SAP130: variants seen among roughly 807,000 people sequenced by gnomAD.
SAP130 encodes Sin3A associated protein 130.
In SAP130, 16 loss-of-function variants were observed where a neutral mutation model predicts 103.2. That is an observed-to-expected ratio of 0.16 (90% CI 0.10 to 0.24). SAP130 has a LOEUF of 0.24. Ranked by LOEUF, SAP130 falls within the 10% of genes least tolerant of loss-of-function variation. SAP130 has a pLI of 1.00. For synonymous variants in SAP130, 477 were observed against 497.0 expected (o/e 0.96, Z 0.53); for missense variants, 990 against 1,359.7 (o/e 0.73, Z 4.28).
At chr2:128,021,461 A>C (rs906320825) in intron 2 of SAP130, among the ~76,000 whole-genome samples, 5 of 151,732 alleles carry the variant, frequency 3.3e-5, no homozygotes, top group South Asian at 2.1e-4. Context: ...AAAAAAAAAA[A>C]CAAAAAAACA....
At chr2:127,948,622 G>GT (rs1679290840) in intron 18 of SAP130, among the ~76,000 whole-genome samples, 6 of 151,990 alleles carry the variant, frequency 3.9e-5, no homozygotes, top group Admixed American at 3.9e-4. Context: ...GATTACAGGC[G>GT]TGAATCACCG....
intron 5 of SAP130, among the ~76,000 whole-genome samples, chr2:128,014,296 C>T (rs575588198): frequency 4.6e-5 from 7 of 152,158 alleles, no homozygotes; most frequent in Admixed American, 2.0e-4. Context: ...GCAATCTCAA[C>T]TCATTTCAAC....
intron 2 of SAP130, among the ~76,000 whole-genome samples, chr2:128,024,642 C>G (rs977485441): frequency 1.3e-5 from 2 of 150,928 alleles, no homozygotes; most frequent in African/African-American, 2.4e-5. Flanking sequence ...GGGTGGATCA[C>G]TTGAAGTCTG....
chr2:128,011,890 G>A (rs549852640), intron 6 of SAP130, among the ~76,000 whole-genome samples: 40 of 152,262 alleles, frequency 2.6e-4, no homozygotes, highest in Non-Finnish European at 5.0e-4. Context: ...TTGGCTCACT[G>A]CAACCTCTGC....
At position 127,964,506 on chromosome 2, in the gene SAP130, A is replaced by G. The variant is rs866204977; in HGVS notation, c.2064-9162T>C. Among the ~76,000 whole-genome samples the G allele has an allele frequency of 1.8e-3, 267 of 150,858 alleles. 1 individual carries two copies. Among genetic ancestry groups the G allele is most frequent in the African/African-American group, 6.1e-3 (250 of 41,298 alleles). On this transcript the variant is annotated intron_variant, in intron 15 of 20. Transcript: ENST00000643581. ...CGAAACTCCATCTCAAAAAAAAAAA[A>G]AAAAAAAAAAAAGTAAATTAAAAAA...
At chr2:127,981,223 A>G (rs919101765) in intron 14 of SAP130, among the ~76,000 whole-genome samples, 5 of 151,686 alleles carry the variant, frequency 3.3e-5, no homozygotes, top group South Asian at 2.1e-4. Flanking sequence ...TTCACCTCGC[A>G]CAACAAAGCT....
chr2:128,017,901 C>G lies in SAP130; in HGVS notation c.127G>C (p.Gly43Arg). 6.2e-7 allele frequency: 1 copy of G among 1,613,892 alleles called. No individual in the cohort carries two copies. The highest frequency in any genetic ancestry group is 8.5e-7 in the Non-Finnish European group (1 of 1,179,810). Residue 43 changes from glycine (G) to arginine (R), a missense_variant, in exon 3 of 21, where the codon GGT becomes CGT. This residue lies in a region of SAP130 where 167 missense variants were observed against 187.4 expected (regional missense o/e 0.89). Coordinates refer to ENST00000643581, the MANE Select transcript of SAP130 (RefSeq NM_001330301.2). ...NPAATVNDESGRDSEVSAREH... is the reference protein window; with the variant it reads ...NPAATVNDESRRDSEVSAREH... The stretch of plus-strand genomic sequence containing the variant: ...CTGGCACTGACTTCAGAATCTCGAC[C>G]AGATTCATCATTGACTAGTAAAGAC...
chr2:128,016,052 G>A (rs1407061993), intron 4 of SAP130, among the ~76,000 whole-genome samples: 2 of 151,688 alleles, frequency 1.3e-5, no homozygotes, highest in South Asian at 2.1e-4. Context: ...GCCTACCCCC[G>A]GAAGGCAGTT....
chr2:128,021,904 A>G (rs1685187903), intron 2 of SAP130, among the ~76,000 whole-genome samples: 1 of 152,214 alleles, frequency 6.6e-6, no homozygotes, highest in Non-Finnish European at 1.5e-5. Context: ...CCATTCATAT[A>G]TATCTTCTTT....
chr2:128,017,751 C>T lies in SAP130; in HGVS notation c.277G>A (p.Val93Ile), dbSNP rs775095825. 3 of 1,614,222 alleles carry T rather than the reference C, an allele frequency of 1.9e-6. No homozygotes were observed. Among genetic ancestry groups the T allele is most frequent in the East Asian group, 4.5e-5 (2 of 44,888 alleles). ...TGTGCTGGCGGGGCTGTCACTGCAA[C>T]AGGTGTGGCTGATGCGACAGCATGG... ...THHAVASATP[V>I]AVTAPPAHLT... Residue 93 changes from valine (V) to isoleucine (I), a missense_variant, in exon 3 of 21, where the codon GTT becomes ATT. By Grantham distance (29) the Val-to-Ile change is conservative (BLOSUM62 3). This residue lies in a region of SAP130 where 167 missense variants were observed against 187.4 expected (regional missense o/e 0.89). Coordinates refer to ENST00000643581, the MANE Select transcript of SAP130 (RefSeq NM_001330301.2).
At chr2:128,022,419 A>G (rs1211193305) in intron 2 of SAP130, among the ~76,000 whole-genome samples, 2 of 152,270 alleles carry the variant, frequency 1.3e-5, no homozygotes, top group Non-Finnish European at 2.9e-5. Flanking sequence ...TTCTACGAAC[A>G]TGTGAATATA....
chr2:127,986,421 T>G lies in SAP130; in HGVS notation c.1958+364A>C, dbSNP rs1482816530. 6.6e-6 allele frequency among the ~76,000 whole-genome samples: 1 copy of G among 152,230 alleles called. No individual in the cohort carries two copies. Among genetic ancestry groups the G allele is most frequent in the African/African-American group, 2.4e-5 (1 of 41,460 alleles). On this transcript the variant is annotated intron_variant, in intron 14 of 20. Coordinates refer to ENST00000643581, the MANE Select transcript of SAP130 (RefSeq NM_001330301.2). The surrounding 1 kb of genome is among the most constrained non-coding windows in gnomAD (Gnocchi z 4.7). ...ACTTTTCCCGTTTCAACAGCAACGATTCATGCTGAATGAAGTTTATAGTAT... is the reference window on the plus strand; with the variant it reads ...ACTTTTCCCGTTTCAACAGCAACGAGTCATGCTGAATGAAGTTTATAGTAT...
At chr2:127,959,230 C>CTGG (rs1680063343) in intron 15 of SAP130, among the ~76,000 whole-genome samples, 1 of 151,946 alleles carries the variant, frequency 6.6e-6, no homozygotes, top group Non-Finnish European at 1.5e-5. Context: ...GGACAGGGCG[C>CTGG]TGGAGAAGCT....
At chr2:128,000,669 T>TA (rs1184060263) in intron 7 of SAP130, among the ~76,000 whole-genome samples, 2 of 152,186 alleles carry the variant, frequency 1.3e-5, no homozygotes, top group African/African-American at 4.8e-5. Flanking sequence ...AATTAACCCT[T>TA]ACTTGTTCTC....
At chr2:128,013,663 T>C (rs1262463786) in intron 5 of SAP130, among the ~76,000 whole-genome samples, 3 of 152,230 alleles carry the variant, frequency 2.0e-5, no homozygotes, top group Admixed American at 2.0e-4. Flanking sequence ...GTTTGCTAAC[T>C]TGATTTTGCC....
In SAP130 at chr2:128,027,109, C is replaced by G. The variant is rs377570242; in HGVS notation, c.-6-811G>C. ...CTCTTTACCTGTAGCCGCCGCCCGC[C>G]GCCCGCACCGCCCGCTTCTATCTCG... On this transcript the variant is annotated intron_variant, in intron 1 of 20. Transcript: ENST00000643581. 119 of 1,407,648 alleles carry G rather than the reference C, an allele frequency of 8.5e-5. No homozygotes were observed. Among genetic ancestry groups the G allele is most frequent in the Non-Finnish European group, 2.5e-5 (27 of 1,066,266 alleles). The allele number at this position is 1,407,648 out of a possible 1,614,324, so 87.2% of individuals were successfully genotyped here. A position where few individuals can be genotyped will look rare whatever the true frequency, so the allele number is the denominator to read the frequency against.
At chr2:127,965,026 G>C (rs1680554958) in intron 15 of SAP130, among the ~76,000 whole-genome samples, 1 of 148,176 alleles carries the variant, frequency 6.7e-6, no homozygotes, top group Non-Finnish European at 1.5e-5. Context: ...GCTGGGTGTG[G>C]TGGCTCATGC....
chr2:127,979,889 T>C (rs1443091103), intron 14 of SAP130, among the ~76,000 whole-genome samples: 2 of 151,812 alleles, frequency 1.3e-5, no homozygotes, highest in African/African-American at 2.4e-5. Context: ...TCTTTTTTTT[T>C]TTTTTTGAGA....
At chr2:127,947,798 G>GTGTGTGTGTGTGTGTGTGTA (rs1456529641) in intron 18 of SAP130, among the ~76,000 whole-genome samples, 2 of 151,708 alleles carry the variant, frequency 1.3e-5, no homozygotes, top group Non-Finnish European at 2.9e-5. Flanking sequence ...GTGTGTGTGT[G>GTGTGTGTGTGTGTGTGTGTA]TGTTTTGAGA....
Sources: allele counts gnomAD v4.1 joint callset (sites outside exome capture counted in the v4.1 genomes callset), GRCh38; gene constraint gnomAD v4.1.1; regional missense constraint gnomAD v4.1.1; non-coding constraint Gnocchi (gnomAD v3.1); transcripts MANE v1.5; gene names NCBI Gene and HGNC (gene_info 2026-07-23, HGNC 2026-07-21).